Variants in CWC22 observed in about 807,000 individuals in gnomAD.
CWC22 encodes the protein pre-mRNA-splicing factor CWC22 homolog.
In CWC22, 53 loss-of-function variants were observed where a neutral mutation model predicts 117.2. That is an observed-to-expected ratio of 0.45 (90% CI 0.36 to 0.57). The LOEUF (loss-of-function observed/expected upper bound fraction) is 0.57, where lower values mean the gene tolerates loss of function less well. CWC22 is among the 20% of genes least tolerant of loss of function. The probability of loss-of-function intolerance (pLI) is 0.00; values close to 1 mark genes in which losing one functional copy is unlikely to be tolerated. For synonymous variants in CWC22, 360 were observed against 355.6 expected (o/e 1.01, Z -0.14); for missense variants, 980 against 1,068.8 (o/e 0.92, Z 1.16).
At chr2:179,996,281 T>A (rs1387231589) in intron 1 of CWC22, among the ~76,000 whole-genome samples, 1 of 152,158 alleles carries the variant, frequency 6.6e-6, no homozygotes, top group East Asian at 1.9e-4. Flanking sequence ...TATATAAGGT[T>A]TTTAAAGCAT....
At position 179,950,670 on chromosome 2, in the gene CWC22, A is replaced by G; in HGVS notation, c.1982T>C (p.Val661Ala). ...PKVIVAQKPD[V>A]EQNKSSPSSS... The stretch of plus-strand genomic sequence containing the variant: ...GGATGGGGAGGATTTATTTTGCTCA[A>G]CATCTGGTTTCTGCGCCACAATGAC... Residue 661 changes from valine to alanine, a missense_variant, in exon 19 of 20, where the codon GTT becomes GCT. Around this residue, in one of 3 missense-constraint regions of CWC22, gnomAD observed 306 missense variants for 296.8 expected, o/e 1.03. Transcript: ENST00000410053. 1 of 1,613,646 alleles carries G rather than the reference A, an allele frequency of 6.2e-7. No individual in the cohort carries two copies. The highest frequency in any genetic ancestry group is 1.1e-5 in the South Asian group (1 of 91,070).
At chr2:179,958,882 A>C in intron 14 of CWC22, 140 bp downstream of exon 14, 1 of 539,496 alleles carries the variant, frequency 1.9e-6, no homozygotes, top group Non-Finnish European at 3.4e-6. Context: ...GTGTTAACTT[A>C]AAATGATATA....
At chr2:179,987,236 T>C (rs530971297) in intron 3 of CWC22, among the ~76,000 whole-genome samples, 1 of 152,310 alleles carries the variant, frequency 6.6e-6, no homozygotes, top group South Asian at 2.1e-4. Context: ...CAAAAGACCA[T>C]ATTCATCAGC....
At chr2:179,973,476 G>C (rs973677297) in intron 7 of CWC22, among the ~76,000 whole-genome samples, 158 bp downstream of exon 7, 16 of 152,116 alleles carry the variant, frequency 1.1e-4, no homozygotes, top group African/African-American at 3.4e-4. Flanking sequence ...ATAGTGGCCA[G>C]GGATATTTAA....
chr2:179,953,255 T>C (rs1453217846), intron 16 of CWC22, among the ~76,000 whole-genome samples: 1 of 152,074 alleles, frequency 6.6e-6, no homozygotes, highest in Non-Finnish European at 1.5e-5. Context: ...CCTATTAATG[T>C]AGCTGGACAT....
At chr2:179,962,801 T>A (rs1410692261) in intron 13 of CWC22, among the ~76,000 whole-genome samples, 1 of 152,104 alleles carries the variant, frequency 6.6e-6, no homozygotes, top group East Asian at 1.9e-4. Flanking sequence ...TGTTGCCAGA[T>A]TTTGAATGTT....
chr2:179,958,368 T>C (rs1229829131), intron 14 of CWC22, among the ~76,000 whole-genome samples: 3 of 147,266 alleles, frequency 2.0e-5, no homozygotes, highest in Admixed American at 6.8e-5. Context: ...GAAAATTATA[T>C]AAATTTTTCT....
At chr2:179,972,490 T>C (rs530919220) in intron 8 of CWC22, among the ~76,000 whole-genome samples, 2 of 152,254 alleles carry the variant, frequency 1.3e-5, no homozygotes, top group African/African-American at 4.8e-5. Flanking sequence ...ACCTGTGTGG[T>C]TGCAAGGAAT....
rs185711319 is a variant in CWC22, at chr2:179,968,590, C to T, written c.1210+1911G>A. Among the ~76,000 whole-genome samples the T allele has an allele frequency of 4.6e-3, 693 of 150,304 alleles. 5 individuals are homozygous for T. Among genetic ancestry groups the T allele is most frequent in the Non-Finnish European group, 6.4e-3 (431 of 67,654 alleles). On this transcript the variant is annotated intron_variant, in intron 11 of 19. Coordinates refer to ENST00000410053, the MANE Select transcript of CWC22 (RefSeq NM_020943.3). ...ACAATTTTTCTTTTTTTTTTTGAGA[C>T]GGAGTCTCGCTCTGTCGCCCAGGCT...
intron 5 of CWC22, among the ~76,000 whole-genome samples, chr2:179,980,545 G>C (rs1033614883): frequency 6.6e-6 from 1 of 151,580 alleles, no homozygotes; most frequent in Non-Finnish European, 1.5e-5. Context: ...AGCCTCCCGA[G>C]TAGCTGGGAC....
intron 18 of CWC22, 28 bp downstream of exon 18, chr2:179,950,797 G>T: frequency 6.3e-7 from 1 of 1,598,254 alleles, no homozygotes; most frequent in South Asian, 1.1e-5. Flanking sequence ...TTTATAATCT[G>T]AACATAAATT....
At chr2:179,987,473 T>G (rs1055075801) in intron 3 of CWC22, among the ~76,000 whole-genome samples, 3 of 152,180 alleles carry the variant, frequency 2.0e-5, no homozygotes, top group Non-Finnish European at 4.4e-5. Context: ...TGTGTGTGTG[T>G]GTCTGTGTGT....
rs1332550114 is a variant in CWC22 at position 179,965,997 on chromosome 2, G to T, written c.1211-15C>A. 1.3e-6 allele frequency: 2 copies of T among 1,593,878 alleles called. No homozygotes were observed. The highest frequency in any genetic ancestry group is 1.7e-6 in the Non-Finnish European group (2 of 1,169,882). The stretch of plus-strand genomic sequence containing the variant: ...ATCAAGAATTTCTGTAAAGTACAAA[G>T]TAAGTTTAGGAAAAAAATGTGCAAG... On this transcript the variant is annotated splice_polypyrimidine_tract_variant and intron_variant, in intron 11 of 19. Transcript: ENST00000410053.
chr2:179,945,304 CTA>C lies in CWC22; in HGVS notation c.2550_2551del (p.Asp850GlufsTer9), dbSNP rs762545635. The stretch of plus-strand genomic sequence containing the variant: ...TCTATTCATTTCCTTTGACTTTGAT[CTA>C]TCTTTTCTTCTGAAATTTTCACTGT... On this transcript the variant is annotated frameshift_variant, in exon 20 of 20. Coordinates refer to ENST00000410053, the MANE Select transcript of CWC22 (RefSeq NM_020943.3). LOFTEE classifies it high-confidence loss of function. 8 of 1,613,266 alleles carry C rather than the reference CTA, an allele frequency of 5.0e-6. No individual in the cohort carries two copies. Among genetic ancestry groups the C allele is most frequent in the Non-Finnish European group, 3.4e-6 (4 of 1,179,716 alleles).
rs1043861334 is a variant in CWC22, at chr2:179,981,962, C to T, written c.242G>A (p.Arg81Lys). The change falls in exon 5 of 20, where the codon AGA becomes AAA. Residue 81 changes from arginine to lysine, a missense_variant. Coordinates refer to ENST00000410053, the MANE Select transcript of CWC22 (RefSeq NM_020943.3). ...RDREKRRERE[R>K]DTDRKRSRKS... ...CCGAGACCTTTTCCGATCCGTATCT[C>T]TTTCTCTTTCTCTGCGTTTTTCTCG... 6.4e-7 allele frequency: 1 copy of T among 1,552,990 alleles called. No individual in the cohort carries two copies.
intron 13 of CWC22, among the ~76,000 whole-genome samples, chr2:179,961,000 C>G (rs898471885): frequency 1.3e-5 from 2 of 151,906 alleles, no homozygotes; most frequent in African/African-American, 2.4e-5. Flanking sequence ...AGGTGAAAGG[C>G]GTACCAGGAG....
intron 16 of CWC22, 143 bp downstream of exon 16, chr2:179,954,062 G>C (rs1686522605): frequency 2.0e-6 from 1 of 501,486 alleles, no homozygotes; most frequent in Non-Finnish European, 3.5e-6. Flanking sequence ...CTTATAACAT[G>C]ATGATAATCT....
At chr2:179,952,635 AT>A (rs1240302071) in intron 16 of CWC22, 37 bp from the exon 17 acceptor site, 2 of 1,244,200 alleles carry the variant, frequency 1.6e-6, no homozygotes, top group Non-Finnish European at 2.2e-6. Flanking sequence ...GTATATTTTA[AT>A]TTATAAAAGA....
intron 6 of CWC22, among the ~76,000 whole-genome samples, chr2:179,976,564 A>C (rs1420576674): frequency 1.3e-5 from 2 of 151,614 alleles, no homozygotes; most frequent in Non-Finnish European, 2.9e-5. Context: ...CTCAATAGTA[A>C]GAAAACAAAT....
Sources: gnomAD v4.1 joint callset for allele counts (sites outside exome capture counted in the v4.1 genomes callset) on GRCh38, gnomAD v4.1.1 for gene constraint, gnomAD v4.1.1 regional missense constraint, MANE v1.5 for transcripts, NCBI Gene and HGNC (gene_info 2026-07-23, HGNC 2026-07-21) for gene names.